The following EYS variants were observed in gnomAD, a reference collection of about 807,000 sequenced individuals.
EYS encodes protein eyes shut homolog.
EYS carries 250 observed loss-of-function variants against 282.1 expected under a neutral mutation model. The ratio of observed to expected loss-of-function variants is 0.89; its 90% confidence interval spans 0.80 to 0.98. EYS has a LOEUF of 0.98. EYS is among the 50% of genes least tolerant of loss of function. The probability of loss-of-function intolerance (pLI) is 0.00; values close to 1 mark genes in which losing one functional copy is unlikely to be tolerated. For missense variants in EYS, 4,016 were observed against 3,709.0 expected (o/e 1.08, Z -2.15); for synonymous variants, 1,355 against 1,282.9 (o/e 1.06, Z -1.20).
intron 35 of EYS, among the ~76,000 whole-genome samples, chr6:63,960,921 C>T (rs1766030204): frequency 6.6e-6 from 1 of 152,142 alleles, no homozygotes; most frequent in African/African-American, 2.4e-5. Context: ...TGGTCTGGAA[C>T]CAAATCCACA....
chr6:64,950,817 A>ATG, intron 14 of EYS, among the ~76,000 whole-genome samples: 1 of 113,826 alleles, frequency 8.8e-6, no homozygotes, highest in Admixed American at 1.0e-4. Context: ...ATATATATAT[A>ATG]TATATATATA....
At chr6:64,527,890 A>G (rs1777973907) in intron 26 of EYS, among the ~76,000 whole-genome samples, 1 of 151,782 alleles carries the variant, frequency 6.6e-6, no homozygotes, top group South Asian at 2.1e-4. Context: ...GAGAGTACCA[A>G]TTTACTTAAA....
intron 2 of EYS, among the ~76,000 whole-genome samples, chr6:65,511,878 G>A (rs192650530): frequency 1.5e-4 from 22 of 151,092 alleles, no homozygotes; most frequent in African/African-American, 5.4e-4. Flanking sequence ...CTACTTGAGA[G>A]GCTGAGGCAA....
At chr6:65,463,992 A>T (rs1331413472) in intron 5 of EYS, among the ~76,000 whole-genome samples, 4 of 152,180 alleles carry the variant, frequency 2.6e-5, no homozygotes. Context: ...ATACAAATGT[A>T]TGATTTGGTG....
intron 19 of EYS, among the ~76,000 whole-genome samples, chr6:64,863,886 C>A (rs1002940798): frequency 2.6e-5 from 4 of 152,262 alleles, no homozygotes; most frequent in Admixed American, 6.5e-5. Context: ...CTTTCTAATA[C>A]CTTCCCTGTA....
intron 12 of EYS, among the ~76,000 whole-genome samples, chr6:65,083,968 G>A (rs1030896399): frequency 2.0e-5 from 3 of 151,396 alleles, no homozygotes; most frequent in African/African-American, 7.3e-5. Flanking sequence ...ATTTTTAAAA[G>A]ACATATTAGA....
chr6:64,739,684 C>T (rs552355737), intron 22 of EYS, among the ~76,000 whole-genome samples: 17 of 152,258 alleles, frequency 1.1e-4, no homozygotes, highest in African/African-American at 2.6e-4. Context: ...ACCTTGATTG[C>T]TTTCCTGAAT....
intron 8 of EYS, among the ~76,000 whole-genome samples, chr6:65,362,597 AT>A (rs1764753684): frequency 6.6e-6 from 1 of 151,728 alleles, no homozygotes; most frequent in South Asian, 2.1e-4. Flanking sequence ...GTACGTATAC[AT>A]TTATATATAT....
At chr6:65,339,219 T>C (rs1292336577) in intron 10 of EYS, among the ~76,000 whole-genome samples, 1 of 151,138 alleles carries the variant, frequency 6.6e-6, no homozygotes, top group African/African-American at 2.4e-5. Flanking sequence ...AGATAGGTAA[T>C]TAAATTTTAT....
At chr6:63,750,306 T>C (rs1769312248) in intron 41 of EYS, among the ~76,000 whole-genome samples, 1 of 152,212 alleles carries the variant, frequency 6.6e-6, no homozygotes, top group South Asian at 2.1e-4. Context: ...AGTCATGTTC[T>C]GCTGTTTCTT....
chr6:65,230,243 G>A (rs917527686), intron 12 of EYS, among the ~76,000 whole-genome samples: 4 of 151,850 alleles, frequency 2.6e-5, no homozygotes, highest in African/African-American at 9.7e-5. Context: ...TTACTTTCAT[G>A]TGATTTTCTC....
intron 5 of EYS, among the ~76,000 whole-genome samples, chr6:65,462,718 C>T (rs1764863608): frequency 6.6e-6 from 1 of 151,826 alleles, no homozygotes; most frequent in Non-Finnish European, 1.5e-5. Flanking sequence ...ATTTCATAGT[C>T]ATTAAATTTA....
At chr6:64,374,148 G>T (rs1470412687) in intron 29 of EYS, among the ~76,000 whole-genome samples, 1 of 148,244 alleles carries the variant, frequency 6.7e-6, no homozygotes, top group Non-Finnish European at 1.5e-5. Flanking sequence ...TGGGCTGAAA[G>T]CTGGTGCCAA....
At chr6:63,894,493 C>T (rs916930684) in intron 35 of EYS, among the ~76,000 whole-genome samples, 9 of 152,094 alleles carry the variant, frequency 5.9e-5, no homozygotes, top group Admixed American at 2.6e-4. Context: ...AGCCTTCAGA[C>T]GGAGGATGGC....
At chr6:64,488,148 G>A (rs1415732909) in intron 26 of EYS, among the ~76,000 whole-genome samples, 1 of 150,794 alleles carries the variant, frequency 6.6e-6, no homozygotes, top group African/African-American at 2.4e-5. Context: ...AAGATTTTTA[G>A]GTAATACAAT....
intron 24 of EYS, among the ~76,000 whole-genome samples, chr6:64,611,439 C>T (rs777874975): frequency 2.0e-5 from 3 of 152,116 alleles, no homozygotes; most frequent in East Asian, 1.9e-4. Context: ...ACCAAATAAG[C>T]GTCCTAGCTA....
chr6:64,349,252 C>T (rs651264), intron 29 of EYS, among the ~76,000 whole-genome samples: 103,564 of 150,778 alleles, frequency 0.69, 35,578 homozygotes, highest in South Asian at 0.71. Flanking sequence ...TCTTGCTATC[C>T]GTATTGTTTA....
chr6:65,321,370 C>CA (rs1184282909), intron 11 of EYS, among the ~76,000 whole-genome samples: 2 of 151,090 alleles, frequency 1.3e-5, no homozygotes, highest in Non-Finnish European at 2.9e-5. Context: ...TGCTATTTTT[C>CA]AAAAAAGAGT....
At chr6:64,453,452 T>A (rs1215123236) in intron 26 of EYS, among the ~76,000 whole-genome samples, 1 of 152,188 alleles carries the variant, frequency 6.6e-6, no homozygotes, top group African/African-American at 2.4e-5. Flanking sequence ...AGTGTGGCGA[T>A]TCCTCAGGGA....
Sources: gnomAD v4.1 joint callset for allele counts (sites outside exome capture counted in the v4.1 genomes callset) on GRCh38, gnomAD v4.1.1 for gene constraint, MANE v1.5 for transcripts, NCBI Gene and HGNC (gene_info 2026-07-23, HGNC 2026-07-21) for gene names.